Variants in ATP6V1A observed in about 807,000 individuals in gnomAD.
The protein encoded by ATP6V1A is ATPase H+ transporting V1 subunit A.
ATP6V1A carries 18 observed loss-of-function variants against 70.1 expected under a neutral mutation model. The observed-to-expected ratio is 0.26, with a 90% CI of 0.18 to 0.38. ATP6V1A has a LOEUF of 0.38. Among genes scored for constraint, ATP6V1A ranks in the 10% least tolerant of loss-of-function variants. The pLI is 1.00. For synonymous variants in ATP6V1A, 232 were observed against 253.8 expected, an observed-to-expected ratio of 0.91 and a Z score of 0.82; for missense variants, 424 against 772.4, an observed-to-expected ratio of 0.55 and a Z score of 5.35.
intron 1 of ATP6V1A, among the ~76,000 whole-genome samples, chr3:113,767,532 A>G (rs1328998807): frequency 6.6e-6 from 1 of 152,194 alleles, no homozygotes; most frequent in Non-Finnish European, 1.5e-5. Flanking sequence ...CAGTTTTACC[A>G]TTGACCATAG....
intron 3 of ATP6V1A, 109 bp from the exon 4 acceptor site, chr3:113,784,115 A>C (rs1709012057): frequency 1.9e-6 from 2 of 1,031,210 alleles, no homozygotes; most frequent in Admixed American, 4.8e-5. Flanking sequence ...AAAGTTTGGG[A>C]ACTTCCGTTT....
intron 14 of ATP6V1A, among the ~76,000 whole-genome samples, chr3:113,806,545 A>T (rs1559762045): frequency 6.7e-6 from 1 of 148,674 alleles, no homozygotes; most frequent in Non-Finnish European, 1.5e-5. Flanking sequence ...TGCAACCTCC[A>T]CCTCCTGGGT....
chr3:113,766,085 C>A (rs928720699), intron 1 of ATP6V1A, among the ~76,000 whole-genome samples: 1 of 152,006 alleles, frequency 6.6e-6, no homozygotes, highest in African/African-American at 2.4e-5. Context: ...ACAAAAAAGT[C>A]TTAGTTTGGT....
chr3:113,789,885 G>C, intron 8 of ATP6V1A, 45 bp downstream of exon 8: 1 of 1,456,188 alleles, frequency 6.9e-7, no homozygotes, highest in Non-Finnish European at 9.6e-7. Context: ...CTGTTCTTAA[G>C]TGTAAAGCTA....
chr3:113,795,605 A>G (rs561960004), intron 10 of ATP6V1A, among the ~76,000 whole-genome samples: 6 of 151,988 alleles, frequency 3.9e-5, no homozygotes, highest in Non-Finnish European at 7.4e-5. Flanking sequence ...TAGAATAATA[A>G]AATTGATTAT....
At chr3:113,790,710 A>G (rs1202107907) in intron 8 of ATP6V1A, among the ~76,000 whole-genome samples, 7 of 152,182 alleles carry the variant, frequency 4.6e-5, no homozygotes, top group Non-Finnish European at 1.0e-4. Flanking sequence ...CCTTGGCTAT[A>G]ATTTCTCCAT....
rs567678067 is a variant in ATP6V1A, at chr3:113,768,067, G to A, written c.-13-10674G>A. Among the ~76,000 whole-genome samples, 10 of 152,144 alleles carry A rather than the reference G, an allele frequency of 6.6e-5. No homozygotes were observed. The East Asian group carries it at 7.7e-4, about 12-fold the overall frequency. Reference sequence around the variant, plus strand: ...TCCCAGTTTAAGTGTCCACCCTAGCGTTTTATCTTCACTATTTCTTTTTCA... The same window carrying A: ...TCCCAGTTTAAGTGTCCACCCTAGCATTTTATCTTCACTATTTCTTTTTCA... On this transcript the variant is annotated intron_variant, in intron 1 of 14. Transcript: ENST00000273398.
At position 113,786,376 on chromosome 3, in the gene ATP6V1A, CT is replaced by C; in HGVS notation, c.714del (p.Pro239ArgfsTer20). On this transcript the variant is annotated frameshift_variant, in exon 6 of 15. Transcript: ENST00000273398. LOFTEE classifies it high-confidence loss of function. ...LLTGQRVLDA[L>X]FPCVQGGTTA... ...GACTGGCCAGAGAGTCCTTGATGCC[CT>C]TTTTCCGTAAGTTTGAGATGTGTCC... 2 of 1,613,040 alleles carry C rather than the reference CT, an allele frequency of 1.2e-6. No individual in the cohort carries two copies. The highest frequency in any genetic ancestry group is 1.1e-5 in the South Asian group (1 of 90,928).
At chr3:113,774,306 CTT>C (rs1012921117) in intron 1 of ATP6V1A, among the ~76,000 whole-genome samples, 1 of 152,146 alleles carries the variant, frequency 6.6e-6, no homozygotes, top group African/African-American at 2.4e-5. Context: ...GAAATGGACA[CTT>C]TAGAAAAAAG....
At chr3:113,791,363 A>G (rs1429662660) in intron 8 of ATP6V1A, among the ~76,000 whole-genome samples, 2 of 144,884 alleles carry the variant, frequency 1.4e-5, no homozygotes, top group African/African-American at 5.1e-5. Flanking sequence ...ATGCCTTGAG[A>G]TTTTATTTTG....
chr3:113,797,120 A>G (rs1709160396), intron 11 of ATP6V1A, among the ~76,000 whole-genome samples: 1 of 152,084 alleles, frequency 6.6e-6, no homozygotes, highest in South Asian at 2.1e-4. Context: ...TGTTTTTAAT[A>G]GAGACAATAT....
rs12490651 is a variant in ATP6V1A, at chr3:113,751,289, C to A, written c.-14+4176C>A. Among the ~76,000 whole-genome samples the A allele has an allele frequency of 4.6e-3, 700 of 151,672 alleles. 14 individuals are homozygous for A. Among genetic ancestry groups the A allele is most frequent in the Admixed American group, 0.034 (512 of 15,250 alleles). ...GACATAAACTAGAGTAAAATTCTTC[C>A]CTTCTTAAATTCATGATTCACAAGG... On this transcript the variant is annotated intron_variant, in intron 1 of 14. Transcript: ENST00000273398.
rs1709049479 is a variant in ATP6V1A, at chr3:113,787,377, A to G, written c.716+994A>G. On this transcript the variant is annotated intron_variant, in intron 6 of 14. Transcript: ENST00000273398. ...TAAGTTTGATGCTGGATCTACTTCT[A>G]GATTTAAAATTATTAAATAATTCAG... Among the ~76,000 whole-genome samples, 8 of 152,344 alleles carry G rather than the reference A, an allele frequency of 5.3e-5. No individual in the cohort carries two copies. In the South Asian group the frequency reaches 1.7e-3, roughly 32 times the overall value.
chr3:113,800,563 G>A (rs564832719), intron 12 of ATP6V1A, among the ~76,000 whole-genome samples: 208 of 151,966 alleles, frequency 1.4e-3, no homozygotes, highest in Non-Finnish European at 2.5e-3. Flanking sequence ...CTATTTGAAG[G>A]AAAAAAACAA....
chr3:113,791,689 A>C (rs1462482739), intron 8 of ATP6V1A, among the ~76,000 whole-genome samples: 1 of 152,128 alleles, frequency 6.6e-6, no homozygotes, highest in Non-Finnish European at 1.5e-5. Context: ...CAGCAGCTGT[A>C]AGACCATTCA....
At chr3:113,786,155 G>C in intron 5 of ATP6V1A, 77 bp from the exon 6 acceptor site, 4 of 1,377,624 alleles carry the variant, frequency 2.9e-6, no homozygotes, top group Admixed American at 2.0e-5. Context: ...ACCCCAAGGA[G>C]AATCGGGTTA....
At chr3:113,795,851 A>G in intron 10 of ATP6V1A, 25 bp from the exon 11 acceptor site, 1 of 1,582,066 alleles carries the variant, frequency 6.3e-7, no homozygotes, top group Non-Finnish European at 8.6e-7. Context: ...TTTTTTTGTA[A>G]TGACCATATT....
rs879809506 is a variant in ATP6V1A at position 113,797,256 on chromosome 3, A to AT, written c.1291-974dup. Among the ~76,000 whole-genome samples, 121 of 135,330 alleles carry AT rather than the reference A, an allele frequency of 8.9e-4. 1 individual carries two copies. Among genetic ancestry groups the AT allele is most frequent in the Admixed American group, 2.0e-3 (26 of 13,316 alleles). 88.8% of individuals were successfully genotyped at this position (135,330 alleles called of 152,430 possible). ...CTGGCCCAGAACAGTTAAAAAAAAA[A>AT]TTTTTTTTTTTTTGAGATGGAATCT... On this transcript the variant is annotated intron_variant, in intron 11 of 14. Coordinates refer to ENST00000273398, the MANE Select transcript of ATP6V1A (RefSeq NM_001690.4).
intron 1 of ATP6V1A, among the ~76,000 whole-genome samples, chr3:113,752,461 C>T (rs865797382): frequency 4.0e-5 from 6 of 151,608 alleles, no homozygotes; most frequent in Non-Finnish European, 7.4e-5. Flanking sequence ...ATTACTATAC[C>T]TTCTGTATAT....
Sources: allele counts gnomAD v4.1 joint callset (sites outside exome capture counted in the v4.1 genomes callset), GRCh38; gene constraint gnomAD v4.1.1; transcripts MANE v1.5; gene names NCBI Gene and HGNC (gene_info 2026-07-23, HGNC 2026-07-21).